Variants in CDH12 observed in about 807,000 individuals in gnomAD.
The protein encoded by CDH12 is cadherin 12.
A neutral mutation model predicts 74.1 loss-of-function variants in CDH12; 41 were observed. The ratio of observed to expected loss-of-function variants is 0.55; its 90% confidence interval spans 0.43 to 0.72. The LOEUF is 0.72. Ranked by LOEUF, CDH12 falls within the 30% of genes least tolerant of loss-of-function variation. The pLI, the probability that CDH12 is intolerant of heterozygous loss-of-function variation, is 0.00. For missense variants in CDH12, 945 were observed against 977.2 expected, an observed-to-expected ratio of 0.97 and a Z score of 0.44; for synonymous variants, 399 against 355.0, an observed-to-expected ratio of 1.12 and a Z score of -1.39.
intron 5 of CDH12, among the ~76,000 whole-genome samples, chr5:22,036,235 C>G (rs1054142630): frequency 6.6e-6 from 1 of 152,094 alleles, no homozygotes; most frequent in Non-Finnish European, 1.5e-5. Context: ...GCACCTACTG[C>G]TTATGGTGAT....
At chr5:22,349,543 A>G (rs1740266643) in intron 3 of CDH12, among the ~76,000 whole-genome samples, 1 of 152,192 alleles carries the variant, frequency 6.6e-6, no homozygotes, top group Non-Finnish European at 1.5e-5. Context: ...CCAATTCGGA[A>G]TAACATCAAT....
chr5:22,250,181 A>C (rs1011584926), intron 3 of CDH12, among the ~76,000 whole-genome samples: 3 of 135,646 alleles, frequency 2.2e-5, no homozygotes, highest in African/African-American at 7.9e-5. Context: ...AAATATTAAA[A>C]AAGAAAAGAA....
At chr5:22,680,108 A>G (rs1351858482) in intron 1 of CDH12, among the ~76,000 whole-genome samples, 1 of 152,078 alleles carries the variant, frequency 6.6e-6, no homozygotes, top group Non-Finnish European at 1.5e-5. Context: ...CCTAGGGGGA[A>G]GGGAGAAGGG....
At chr5:22,840,979 C>A (rs1432906386) in intron 1 of CDH12, among the ~76,000 whole-genome samples, 5 of 152,046 alleles carry the variant, frequency 3.3e-5, no homozygotes, top group Admixed American at 3.3e-4. Flanking sequence ...GGGAAGGATG[C>A]AGGGAAAACG....
intron 3 of CDH12, among the ~76,000 whole-genome samples, chr5:22,391,947 T>C (rs1742265774): frequency 6.6e-6 from 1 of 152,086 alleles, no homozygotes; most frequent in South Asian, 2.1e-4. Context: ...TCAGAGAACT[T>C]GAGATTTAAG....
intron 2 of CDH12, among the ~76,000 whole-genome samples, chr5:22,469,063 C>A (rs184981323): frequency 2.6e-5 from 4 of 152,232 alleles, no homozygotes; most frequent in African/African-American, 9.6e-5. Flanking sequence ...ATTCAGATCA[C>A]CTTAATCAGA....
In CDH12 at chr5:22,187,418, G is replaced by GA. The variant is rs780759061; in HGVS notation, c.-187+25079dup. 1.9e-4 allele frequency among the ~76,000 whole-genome samples: 29 copies of GA among 152,276 alleles called. No homozygotes were observed. In the East Asian group the frequency reaches 2.7e-3, roughly 14 times the overall value. On this transcript the variant is annotated intron_variant, in intron 4 of 14. Transcript: ENST00000382254. ...AGGAAATAAGGAGTTCCCAGCAACT[G>GA]AAAGTTTTTCTTTCATGCCTCTCAT...
chr5:22,250,245 G>A (rs1392811897), intron 3 of CDH12, among the ~76,000 whole-genome samples: 1 of 152,022 alleles, frequency 6.6e-6, no homozygotes. Context: ...CATACTAGTG[G>A]CTTAAAAGAA....
At chr5:21,813,599 C>T (rs561130846) in intron 9 of CDH12, among the ~76,000 whole-genome samples, 2 of 152,292 alleles carry the variant, frequency 1.3e-5, no homozygotes, top group South Asian at 2.1e-4. Flanking sequence ...GTCTACAAGG[C>T]TCTGCCTGGC....
rs755271645 is a variant in CDH12 at position 22,238,128 on chromosome 5, C to A, written c.-332-25485G>T. Among the ~76,000 whole-genome samples, 31 of 152,238 alleles carry A rather than the reference C, an allele frequency of 2.0e-4. No homozygotes were observed. The East Asian group carries it at 2.5e-3, about 12-fold the overall frequency. ...TCCTGAAGGAGCTTCAAGAACAGAC[C>A]AACCCTCCAGGCAGTGTTTAAAATA... On this transcript the variant is annotated intron_variant, in intron 3 of 14. Transcript: ENST00000382254.
chr5:22,395,436 T>C lies in CDH12; in HGVS notation c.-333+9821A>G, dbSNP rs940126258. ...GTTAGAGAATGAATTCATTTTGTTT[T>C]AAACTACCAAGTTTTTAATAATGTG... On this transcript the variant is annotated intron_variant, in intron 3 of 14. Transcript: ENST00000382254. 1.4e-4 allele frequency among the ~76,000 whole-genome samples: 21 copies of C among 152,240 alleles called. No homozygotes were observed. The South Asian group carries it at 4.4e-3, about 32-fold the overall frequency.
chr5:22,329,580 T>C (rs765475285), intron 3 of CDH12, among the ~76,000 whole-genome samples: 2 of 152,158 alleles, frequency 1.3e-5, no homozygotes, highest in Non-Finnish European at 2.9e-5. Context: ...CATAGTACCT[T>C]GTTTTAGCTT....
intron 3 of CDH12, among the ~76,000 whole-genome samples, chr5:22,350,820 G>A (rs995524260): frequency 2.6e-5 from 4 of 152,088 alleles, no homozygotes; most frequent in Admixed American, 6.6e-5. Flanking sequence ...TATTATTATC[G>A]AATAAGCAAC....
chr5:22,639,360 T>C (rs993348434), intron 1 of CDH12, among the ~76,000 whole-genome samples: 1 of 151,790 alleles, frequency 6.6e-6, no homozygotes, highest in Non-Finnish European at 1.5e-5. Context: ...AGTTCCAATA[T>C]TTTCAATAAC....
intron 2 of CDH12, among the ~76,000 whole-genome samples, chr5:22,418,269 A>G (rs1743486748): frequency 6.6e-6 from 1 of 152,106 alleles, no homozygotes; most frequent in East Asian, 1.9e-4. Flanking sequence ...GTGTATAAGA[A>G]TGCTTGTGAT....
intron 1 of CDH12, among the ~76,000 whole-genome samples, chr5:22,645,023 C>T (rs1025795531): frequency 6.6e-6 from 1 of 151,972 alleles, no homozygotes; most frequent in Non-Finnish European, 1.5e-5. Context: ...ACTGCTGATA[C>T]ACAAGGACAT....
chr5:22,237,675 A>T (rs1267136111), intron 3 of CDH12, among the ~76,000 whole-genome samples: 1 of 151,914 alleles, frequency 6.6e-6, no homozygotes, highest in Non-Finnish European at 1.5e-5. Flanking sequence ...TCTTGAGCTG[A>T]CTAAGACAGT....
intron 2 of CDH12, among the ~76,000 whole-genome samples, chr5:22,425,159 A>G (rs1367263003): frequency 7.6e-6 from 1 of 131,502 alleles, no homozygotes; most frequent in Non-Finnish European, 1.6e-5. Context: ...GTGTGTATAT[A>G]TATATATATA....
chr5:22,294,856 A>G lies in CDH12; in HGVS notation c.-332-82213T>C, dbSNP rs1381686672. Among the ~76,000 whole-genome samples the G allele has an allele frequency of 2.0e-5, 3 of 152,140 alleles. No individual in the cohort carries two copies. The East Asian group carries it at 5.8e-4, about 29-fold the overall frequency. ...ATTTATCTGCTTCTTTGAGCTATTA[A>G]TCTTCTCTTAGCCTCTTGCCAGCTT... is the stretch of plus-strand genomic sequence containing the variant. On this transcript the variant is annotated intron_variant, in intron 3 of 14. Transcript: ENST00000382254.
Sources: gnomAD v4.1 joint callset for allele counts (sites outside exome capture counted in the v4.1 genomes callset) on GRCh38, gnomAD v4.1.1 for gene constraint, MANE v1.5 for transcripts, NCBI Gene and HGNC (gene_info 2026-07-23, HGNC 2026-07-21) for gene names.